SORCS3: variants seen among roughly 807,000 people sequenced by gnomAD.
SORCS3 encodes VPS10 domain-containing receptor SorCS3.
Under a neutral mutation model 146.3 loss-of-function variants are expected in SORCS3, and 57 were observed. The observed-to-expected ratio is 0.39, with a 90% CI of 0.31 to 0.49. The LOEUF is 0.49. Ranked by LOEUF, SORCS3 falls within the 20% of genes least tolerant of loss-of-function variation. The probability of loss-of-function intolerance (pLI) is 0.92; values close to 1 mark genes in which losing one functional copy is unlikely to be tolerated. For missense variants in SORCS3, 1,341 were observed against 1,575.5 expected (o/e 0.85, Z 2.52); for synonymous variants, 653 against 618.5 (o/e 1.06, Z -0.83).
intron 9 of SORCS3, among the ~76,000 whole-genome samples, chr10:105,152,800 T>G (rs1409355374): frequency 1.3e-5 from 2 of 152,224 alleles, no homozygotes; most frequent in African/African-American, 2.4e-5. Context: ...TCTCACAATA[T>G]CACATTCTTC....
At chr10:104,752,979 A>G (rs2017006906) in intron 1 of SORCS3, among the ~76,000 whole-genome samples, 1 of 150,340 alleles carries the variant, frequency 6.7e-6, no homozygotes. Context: ...ACAAACAAAC[A>G]AATGAACAAA....
chr10:105,243,826 C>T (rs965263112), intron 20 of SORCS3, among the ~76,000 whole-genome samples: 2 of 152,146 alleles, frequency 1.3e-5, no homozygotes, highest in Non-Finnish European at 2.9e-5. Flanking sequence ...ATTATTGTTT[C>T]AAGGCCAGTT....
intron 1 of SORCS3, among the ~76,000 whole-genome samples, chr10:104,644,050 G>A (rs1210009390): frequency 1.3e-5 from 2 of 152,348 alleles, no homozygotes; most frequent in East Asian, 1.9e-4. Flanking sequence ...CAGAAGAGGT[G>A]AGGGGCAGGT....
intron 13 of SORCS3, among the ~76,000 whole-genome samples, chr10:105,170,435 A>T (rs778694616): frequency 7.2e-5 from 11 of 152,108 alleles, no homozygotes; most frequent in South Asian, 2.1e-4. Context: ...AAAGAACTGC[A>T]CTGCCACTGA....
intron 4 of SORCS3, among the ~76,000 whole-genome samples, chr10:105,021,028 G>A (rs910216872): frequency 6.6e-6 from 1 of 152,170 alleles, no homozygotes; most frequent in African/African-American, 2.4e-5. Flanking sequence ...ATGCCCAAAT[G>A]CATTGCACAA....
In SORCS3 at chr10:104,918,322, A is replaced by G. The variant is rs1222234649; in HGVS notation, c.795+2390A>G. The stretch of plus-strand genomic sequence containing the variant: ...ACAGATGAGAAAATTGAAGCAAAAA[A>G]AACTCACATAGCCAGATAGAAAAAG... On this transcript the variant is annotated intron_variant, in intron 3 of 26. Coordinates refer to ENST00000369701, the MANE Select transcript of SORCS3 (RefSeq NM_014978.3). 2.6e-5 allele frequency among the ~76,000 whole-genome samples: 4 copies of G among 152,228 alleles called. 1 individual carries two copies. In the East Asian group the frequency reaches 7.7e-4, roughly 29 times the overall value.
intron 5 of SORCS3, among the ~76,000 whole-genome samples, chr10:105,050,560 T>G (rs35940173): frequency 0.17 from 26,054 of 152,040 alleles, 2,407 homozygotes; most frequent in Middle Eastern, 0.21. Context: ...CCTTCTCCAG[T>G]CAAGCCTTCA....
intron 13 of SORCS3, among the ~76,000 whole-genome samples, chr10:105,169,555 G>A (rs11192347): frequency 0.092 from 13,953 of 152,050 alleles, 785 homozygotes; most frequent in Admixed American, 0.16. Flanking sequence ...AACTTTGACC[G>A]AAGTCCAGAA....
At chr10:104,842,993 G>C in intron 2 of SORCS3, 134 bp downstream of exon 2, 1 of 705,920 alleles carries the variant, frequency 1.4e-6, no homozygotes, top group Non-Finnish European at 2.5e-6. Flanking sequence ...TTAATGCTCT[G>C]GGTGGAACTG....
At chr10:105,077,611 CT>C (rs1290604035) in intron 5 of SORCS3, among the ~76,000 whole-genome samples, 22 of 151,756 alleles carry the variant, frequency 1.4e-4, no homozygotes, top group Non-Finnish European at 1.6e-4. Flanking sequence ...TATAGTTAGA[CT>C]TTAGGCAGAA....
chr10:105,259,128 A>G (rs1380204369), intron 25 of SORCS3, among the ~76,000 whole-genome samples: 1 of 152,146 alleles, frequency 6.6e-6, no homozygotes, highest in African/African-American at 2.4e-5. Context: ...TTACTATCCA[A>G]TAGAACTTTG....
chr10:105,161,264 C>T (rs2056260076), intron 11 of SORCS3, among the ~76,000 whole-genome samples: 1 of 152,156 alleles, frequency 6.6e-6, no homozygotes, highest in African/African-American at 2.4e-5. Context: ...CCTCTTCATA[C>T]CCAGCTTCTC....
At chr10:105,258,120 A>C (rs573373073) in intron 25 of SORCS3, among the ~76,000 whole-genome samples, 4 of 152,204 alleles carry the variant, frequency 2.6e-5, no homozygotes, top group African/African-American at 9.6e-5. Flanking sequence ...CACCAGTTTA[A>C]TTCAGTATAC....
intron 2 of SORCS3, among the ~76,000 whole-genome samples, chr10:104,908,877 G>A (rs565262352): frequency 1.1e-4 from 16 of 152,300 alleles, no homozygotes; most frequent in Non-Finnish European, 1.9e-4. Flanking sequence ...GTAAAGCAAA[G>A]CAGGTAAACT....
intron 1 of SORCS3, among the ~76,000 whole-genome samples, chr10:104,696,226 A>ATATAATATATATCATATACACATATATG (rs1291656347): frequency 1.3e-4 from 3 of 23,594 alleles, no homozygotes; most frequent in African/African-American, 1.9e-4. Context: ...ACACATATAT[A>ATATAATATATATCATATACACATATATG]ATATATATCA....
intron 22 of SORCS3, among the ~76,000 whole-genome samples, chr10:105,247,857 ATGTTTAT>A (rs1465856086): frequency 6.6e-6 from 1 of 152,186 alleles, no homozygotes; most frequent in South Asian, 2.1e-4. Context: ...AACTGGCCCA[ATGTTTAT>A]TATGAATTTG....
At chr10:104,905,917 C>CA (rs2018900507) in intron 2 of SORCS3, among the ~76,000 whole-genome samples, 1 of 152,128 alleles carries the variant, frequency 6.6e-6, no homozygotes, top group Non-Finnish European at 1.5e-5. Context: ...CTTCCATGTG[C>CA]AAGGCATTGT....
At chr10:104,697,555 C>G (rs1405437625) in intron 1 of SORCS3, among the ~76,000 whole-genome samples, 2 of 152,124 alleles carry the variant, frequency 1.3e-5, no homozygotes, top group East Asian at 3.9e-4. Flanking sequence ...AAAACCTTTT[C>G]TTTACATCAA....
At chr10:104,915,407 T>A (rs992424999) in intron 2 of SORCS3, among the ~76,000 whole-genome samples, 7 of 151,724 alleles carry the variant, frequency 4.6e-5, no homozygotes, top group Admixed American at 4.6e-4. Context: ...ACCCTGGTGA[T>A]GACCTCAGGA....
Sources: gnomAD v4.1 joint callset for allele counts (sites outside exome capture counted in the v4.1 genomes callset) on GRCh38, gnomAD v4.1.1 for gene constraint, MANE v1.5 for transcripts, NCBI Gene and HGNC (gene_info 2026-07-23, HGNC 2026-07-21) for gene names.